Variants in SLC39A11 observed in about 807,000 individuals in gnomAD.
SLC39A11 encodes solute carrier family 39 member 11, also known as zinc transporter ZIP11.
Under a neutral mutation model 36.1 loss-of-function variants are expected in SLC39A11, and 33 were observed. The observed-to-expected ratio is 0.91, with a 90% CI of 0.69 to 1.22. SLC39A11 has a LOEUF of 1.22. Among genes scored for constraint, SLC39A11 ranks in the 50% most tolerant of loss-of-function variants. The probability of loss-of-function intolerance (pLI) is 0.00; values close to 1 mark genes in which losing one functional copy is unlikely to be tolerated. For synonymous variants in SLC39A11, 166 were observed against 170.3 expected, an observed-to-expected ratio of 0.97 and a Z score of 0.20; for missense variants, 432 against 430.3, an observed-to-expected ratio of 1.00 and a Z score of -0.03.
intron 4 of SLC39A11, among the ~76,000 whole-genome samples, chr17:73,014,853 G>A (rs770248373): frequency 2.6e-5 from 4 of 152,032 alleles, no homozygotes; most frequent in East Asian, 1.9e-4. Flanking sequence ...TCATGTATTC[G>A]TGCGTGACAT....
At chr17:72,712,883 G>A (rs1206379641) in intron 7 of SLC39A11, 1 of 152,184 alleles carries the variant, frequency 6.6e-6, no homozygotes, top group African/African-American at 2.4e-5. Flanking sequence ...ATCCACAATA[G>A]GAACAGATAA....
Position 72,648,900 on chromosome 17 carries a change from CCACGG to C in SLC39A11, c.827_831del (p.Ala276GlyfsTer4). The C allele has an allele frequency of 1.9e-6, 3 of 1,614,124 alleles. No individual in the cohort carries two copies. In the South Asian group the frequency reaches 3.3e-5, roughly 18 times the overall value. On this transcript the variant is annotated frameshift_variant, in exon 9 of 10. Transcript: ENST00000255559. LOFTEE classifies it high-confidence loss of function. ...TAGGGCAGGATGGGCTCAGCCAGCACCACGGCAAAGGCACCAAAGACCCCGGCCAG... is the reference window on the plus strand; with the variant it reads ...TAGGGCAGGATGGGCTCAGCCAGCACCAAAGGCACCAAAGACCCCGGCCAG...
chr17:72,957,125 C>T lies in SLC39A11; in HGVS notation c.307-9250G>A, dbSNP rs535450356. ...ATGGAGCTCATTCGTACGCTAACCT[C>T]AGCATCCAATGTCAAATGCTTTTCA... On this transcript the variant is annotated intron_variant, in intron 4 of 9. Coordinates refer to ENST00000255559, the MANE Select transcript of SLC39A11 (RefSeq NM_139177.4). 4.6e-5 allele frequency among the ~76,000 whole-genome samples: 7 copies of T among 152,290 alleles called. No individual in the cohort carries two copies. The East Asian group carries it at 1.4e-3, about 29-fold the overall frequency.
intron 4 of SLC39A11, among the ~76,000 whole-genome samples, chr17:73,021,937 C>T (rs74463211): frequency 0.042 from 6,404 of 152,330 alleles, 182 homozygotes; most frequent in East Asian, 0.073. Context: ...AGCCAGCCCA[C>T]GCAGTGCGTG....
At chr17:72,704,675 A>G (rs2072810292) in intron 7 of SLC39A11, among the ~76,000 whole-genome samples, 1 of 151,700 alleles carries the variant, frequency 6.6e-6, no homozygotes, top group Non-Finnish European at 1.5e-5. Context: ...CAGGGGTATG[A>G]AGGTCCCCTC....
In SLC39A11 at chr17:72,960,348, T is replaced by C. The variant is rs2086527510; in HGVS notation, c.307-12473A>G. On this transcript the variant is annotated intron_variant, in intron 4 of 9. Transcript: ENST00000255559. ...AAAAATGATTCAGTAGCATTTATCA[T>C]AGATAGATGGATGGATAGGTAGCCT... Among the ~76,000 whole-genome samples the C allele has an allele frequency of 2.0e-5, 3 of 152,206 alleles. No homozygotes were observed. In the South Asian group the frequency reaches 6.2e-4, roughly 31 times the overall value.
chr17:72,904,827 C>G (rs1007793328), intron 5 of SLC39A11, among the ~76,000 whole-genome samples: 5 of 152,174 alleles, frequency 3.3e-5, no homozygotes, highest in Admixed American at 3.3e-4. Flanking sequence ...CAGAACCTTT[C>G]CCCCTCCTGG....
At chr17:72,915,062 C>T (rs1301543759) in intron 5 of SLC39A11, among the ~76,000 whole-genome samples, 1 of 152,108 alleles carries the variant, frequency 6.6e-6, no homozygotes, top group African/African-American at 2.4e-5. Context: ...CTGACCGGAG[C>T]CTCCCGGGTA....
At chr17:73,076,376 T>C (rs1468268469) in intron 3 of SLC39A11, among the ~76,000 whole-genome samples, 1 of 152,210 alleles carries the variant, frequency 6.6e-6, no homozygotes, top group Non-Finnish European at 1.5e-5. Flanking sequence ...AAAATACACA[T>C]GTCCTCTGTC....
chr17:72,765,100 C>A (rs573789448), intron 6 of SLC39A11, among the ~76,000 whole-genome samples: 6 of 152,188 alleles, frequency 3.9e-5, no homozygotes, highest in Non-Finnish European at 8.8e-5. Flanking sequence ...ATGATAGGAG[C>A]CTGAATCCTG....
intron 7 of SLC39A11, among the ~76,000 whole-genome samples, chr17:72,721,967 T>TGA (rs2073698260): frequency 2.9e-3 from 67 of 23,332 alleles, no homozygotes; most frequent in Non-Finnish European, 5.2e-3. Context: ...AGCCTCCATC[T>TGA]CAAAAAAAAA....
At chr17:73,004,165 A>G (rs2090000784) in intron 4 of SLC39A11, among the ~76,000 whole-genome samples, 1 of 44,986 alleles carries the variant, frequency 2.2e-5, no homozygotes, top group African/African-American at 9.2e-5. Flanking sequence ...GAAGGAAAAA[A>G]AGAAAGAAAG....
chr17:72,960,245 T>C (rs2086520149), intron 4 of SLC39A11, among the ~76,000 whole-genome samples: 1 of 152,196 alleles, frequency 6.6e-6, no homozygotes, highest in Non-Finnish European at 1.5e-5. Flanking sequence ...TCTATCACTT[T>C]CACAAATAAA....
intron 6 of SLC39A11, among the ~76,000 whole-genome samples, chr17:72,765,968 C>G (rs1489151542): frequency 6.6e-6 from 1 of 152,154 alleles, no homozygotes; most frequent in African/African-American, 2.4e-5. Flanking sequence ...GCGGATAGAG[C>G]TGGGGCAGGA....
intron 6 of SLC39A11, among the ~76,000 whole-genome samples, chr17:72,833,842 C>G (rs2078394324): frequency 6.6e-6 from 1 of 152,190 alleles, no homozygotes; most frequent in Non-Finnish European, 1.5e-5. Context: ...CAACCCACTT[C>G]AGTCCCCAAC....
intron 5 of SLC39A11, among the ~76,000 whole-genome samples, chr17:72,918,204 T>C (rs925666616): frequency 1.3e-5 from 2 of 151,634 alleles, no homozygotes; most frequent in African/African-American, 4.8e-5. Context: ...AGGTCAGGAG[T>C]CCGAGACCAG....
chr17:72,682,919 G>T (rs1340846400), intron 7 of SLC39A11, among the ~76,000 whole-genome samples: 1 of 152,104 alleles, frequency 6.6e-6, no homozygotes, highest in Non-Finnish European at 1.5e-5. Flanking sequence ...TTATCTTGAG[G>T]CACCCATTTT....
At chr17:72,943,845 C>T (rs1332411340) in intron 5 of SLC39A11, among the ~76,000 whole-genome samples, 1 of 152,186 alleles carries the variant, frequency 6.6e-6, no homozygotes, top group Non-Finnish European at 1.5e-5. Context: ...TGTAACAAAG[C>T]TGTGAGCTGC....
chr17:73,024,027 ATTG>A (rs2058447645), intron 4 of SLC39A11, among the ~76,000 whole-genome samples: 1 of 152,216 alleles, frequency 6.6e-6, no homozygotes, highest in South Asian at 2.1e-4. Flanking sequence ...ATAAATTTCT[ATTG>A]TTTAAGCCAA....
Sources: allele counts gnomAD v4.1 joint callset (sites outside exome capture counted in the v4.1 genomes callset), GRCh38; gene constraint gnomAD v4.1.1; transcripts MANE v1.5; gene names NCBI Gene and HGNC (gene_info 2026-07-23, HGNC 2026-07-21).